The following RBFOX1 variants were observed in gnomAD, a reference collection of about 807,000 sequenced individuals.
RBFOX1 encodes the protein RNA binding protein fox-1 homolog 1.
Under a neutral mutation model 57.7 loss-of-function variants are expected in RBFOX1, and 8 were observed. The ratio of observed to expected loss-of-function variants is 0.14; its 90% CI spans 0.08 to 0.25. RBFOX1 has a LOEUF of 0.25. Ranked by LOEUF, RBFOX1 falls within the 10% of genes least tolerant of loss-of-function variation. The pLI is 1.00. For missense variants in RBFOX1, 611 were observed against 548.5 expected (o/e 1.11, Z -1.14); for synonymous variants, 326 against 222.4 (o/e 1.47, Z -4.15).
At chr16:7,678,161 A>C (rs937631517) in intron 14 of RBFOX1, among the ~76,000 whole-genome samples, 2 of 152,216 alleles carry the variant, frequency 1.3e-5, no homozygotes, top group South Asian at 4.1e-4. Flanking sequence ...CAAGTTCTCA[A>C]GGCTGTAGGG....
chr16:7,005,588 A>G (rs953237683), intron 3 of RBFOX1, among the ~76,000 whole-genome samples: 3 of 152,168 alleles, frequency 2.0e-5, no homozygotes, highest in African/African-American at 4.8e-5. Context: ...CCTATTAGTG[A>G]TGGCTTGGTG....
chr16:5,733,026 C>T (rs2052440580), intron 3 of RBFOX1, among the ~76,000 whole-genome samples: 1 of 152,112 alleles, frequency 6.6e-6, no homozygotes, highest in African/African-American at 2.4e-5. Context: ...TTTTTGAAAA[C>T]TCATCAAACC....
chr16:6,388,073 G>A (rs563616439), intron 2 of RBFOX1, among the ~76,000 whole-genome samples: 279 of 143,534 alleles, frequency 1.9e-3, no homozygotes, highest in African/African-American at 7.0e-3. Context: ...TCTGCCTCTC[G>A]GGTTCAAGCG....
intron 3 of RBFOX1, among the ~76,000 whole-genome samples, chr16:5,740,718 G>A (rs2052742473): frequency 1.3e-5 from 2 of 152,174 alleles, no homozygotes; most frequent in South Asian, 4.2e-4. Flanking sequence ...AAGGTGAGCT[G>A]TCATGGTGGC....
At chr16:5,703,804 C>T (rs560582333) in intron 3 of RBFOX1, among the ~76,000 whole-genome samples, 2 of 151,960 alleles carry the variant, frequency 1.3e-5, no homozygotes, top group African/African-American at 2.4e-5. Context: ...TATATGTGTA[C>T]ATATTTAATA....
intron 4 of RBFOX1, among the ~76,000 whole-genome samples, chr16:7,093,351 C>G (rs2061174772): frequency 6.6e-6 from 1 of 152,156 alleles, no homozygotes; most frequent in African/African-American, 2.4e-5. Flanking sequence ...AGTTCAGAGC[C>G]CTGAATGTTC....
At chr16:5,362,223 G>C (rs545053293) in intron 1 of RBFOX1, among the ~76,000 whole-genome samples, 1 of 151,566 alleles carries the variant, frequency 6.6e-6, no homozygotes, top group Non-Finnish European at 1.5e-5. Context: ...ATGGAGTCTC[G>C]CTCTGTCCCC....
At chr16:6,209,662 T>A (rs931723643) in intron 1 of RBFOX1, among the ~76,000 whole-genome samples, 1 of 152,180 alleles carries the variant, frequency 6.6e-6, no homozygotes, top group Admixed American at 6.5e-5. Flanking sequence ...ACCTTCTGAA[T>A]AGCAGGAAAG....
intron 1 of RBFOX1, among the ~76,000 whole-genome samples, chr16:5,250,781 C>A (rs1175193735): frequency 1.3e-5 from 2 of 152,174 alleles, no homozygotes; most frequent in South Asian, 4.1e-4. Flanking sequence ...TGCACCGATA[C>A]GTCTGTGGAT....
At chr16:5,699,814 C>G (rs954855461) in intron 3 of RBFOX1, among the ~76,000 whole-genome samples, 9 of 152,080 alleles carry the variant, frequency 5.9e-5, no homozygotes, top group Admixed American at 5.9e-4. Context: ...CAGACATTAT[C>G]TTTGTGTTCT....
At chr16:6,833,486 C>T (rs928684499) in intron 3 of RBFOX1, among the ~76,000 whole-genome samples, 3 of 152,098 alleles carry the variant, frequency 2.0e-5, no homozygotes, top group Non-Finnish European at 4.4e-5. Flanking sequence ...ATTTTAGCTC[C>T]CACCTTCTCA....
rs2093960951 is a variant in RBFOX1, at chr16:6,849,681, C to G, written c.-16+195031C>G. 2.0e-5 allele frequency among the ~76,000 whole-genome samples: 3 copies of G among 151,934 alleles called. 1 individual carries two copies. Among genetic ancestry groups the G allele is most frequent in the Non-Finnish European group, 2.9e-5 (2 of 67,982 alleles). ...AAGACTCCATCTCAAAAAAACAAAA[C>G]AAAATAAAACAAAAAAAACTGAAAA... On this transcript the variant is annotated intron_variant, in intron 3 of 15. Coordinates refer to ENST00000550418, the MANE Select transcript of RBFOX1 (RefSeq NM_018723.4).
Position 7,709,023 on chromosome 16 carries a change from G to A in RBFOX1, c.996-33G>A, listed in dbSNP as rs753685911. 4 of 1,567,468 alleles carry A rather than the reference G, an allele frequency of 2.6e-6. No individual in the cohort carries two copies. The African/African-American group carries it at 4.1e-5, about 16-fold the overall frequency. Reference sequence around the variant, plus strand: ...TGTTATTGTTTTGTAATTGCATACTGTGGATCAATCTTCACCTCTATTTTC... The same window carrying A: ...TGTTATTGTTTTGTAATTGCATACTATGGATCAATCTTCACCTCTATTTTC... On this transcript the variant is annotated intron_variant, in intron 14 of 15. Coordinates refer to ENST00000550418, the MANE Select transcript of RBFOX1 (RefSeq NM_018723.4).
chr16:5,729,283 G>A (rs1193697390), intron 3 of RBFOX1, among the ~76,000 whole-genome samples: 2 of 152,044 alleles, frequency 1.3e-5, no homozygotes, highest in East Asian at 1.9e-4. Flanking sequence ...AATCAGAGCT[G>A]GAAGCAAAAT....
At chr16:7,701,924 A>C (rs1014146557) in intron 14 of RBFOX1, among the ~76,000 whole-genome samples, 2 of 152,200 alleles carry the variant, frequency 1.3e-5, no homozygotes, top group Non-Finnish European at 2.9e-5. Flanking sequence ...TCCCTGTTGC[A>C]GCAAACCAGG....
intron 15 of RBFOX1, chr16:7,710,366 G>A: frequency 7.5e-7 from 1 of 1,340,514 alleles, no homozygotes; most frequent in Admixed American, 3.8e-5. Flanking sequence ...CCATTGTCCA[G>A]CTTATAATAG....
In RBFOX1 at chr16:6,884,702, A is replaced by T. The variant is rs552805630; in HGVS notation, c.-15-167355A>T. The stretch of plus-strand genomic sequence containing the variant: ...CACTTGAGGCCAGGGGTTCCAGACC[A>T]GCTTGGGCAACATGACGAAACCCCA... On this transcript the variant is annotated intron_variant, in intron 3 of 15. Coordinates refer to ENST00000550418, the MANE Select transcript of RBFOX1 (RefSeq NM_018723.4). 2.6e-5 allele frequency among the ~76,000 whole-genome samples: 4 copies of T among 152,310 alleles called. No homozygotes were observed. In the South Asian group the frequency reaches 8.3e-4, roughly 32 times the overall value.
Position 5,896,778 on chromosome 16 carries a change from C to T in RBFOX1, c.351+29443C>T, listed in dbSNP as rs1307088391. Among the ~76,000 whole-genome samples the T allele has an allele frequency of 1.3e-5, 2 of 151,992 alleles. 1 individual carries two copies. The highest frequency in any genetic ancestry group is 4.2e-4 in the South Asian group (2 of 4,818). ...AAGAGGAGATATGAGCTGTATCAGC[C>T]AACACTTTAGTATGTGGCATCCAGT... On this transcript the variant is annotated intron_variant, in intron 4 of 19. Coordinates refer to the RBFOX1 transcript ENST00000641259.
rs768028150 is a variant in RBFOX1, at chr16:5,282,798, C to T, written c.219+42693C>T. 5.3e-5 allele frequency among the ~76,000 whole-genome samples: 8 copies of T among 152,246 alleles called. No homozygotes were observed. The East Asian group carries it at 5.8e-4, about 11-fold the overall frequency. ...AAAGTTTGGAAAATTTGCAGCCTGA[C>T]GATGCAATAGAAAAGAAAATCCCAT... On this transcript the variant is annotated intron_variant, in intron 1 of 2. Transcript: ENST00000585867.
Sources: gnomAD v4.1 joint callset for allele counts (sites outside exome capture counted in the v4.1 genomes callset) on GRCh38, gnomAD v4.1.1 for gene constraint, MANE v1.5 for transcripts, NCBI Gene and HGNC (gene_info 2026-07-23, HGNC 2026-07-21) for gene names.